COL13A1: variants seen among roughly 807,000 people sequenced by gnomAD.
The protein encoded by COL13A1 is collagen alpha-1(XIII) chain.
In COL13A1, 89 loss-of-function variants were observed where a neutral mutation model predicts 130.9. The ratio of observed to expected loss-of-function variants is 0.68; its 90% CI spans 0.57 to 0.81. The LOEUF (loss-of-function observed/expected upper bound fraction) is 0.81, where lower values mean the gene tolerates loss of function less well. Among genes scored for constraint, COL13A1 ranks in the 30% least tolerant of loss-of-function variants. COL13A1 has a pLI of 0.00. For missense variants in COL13A1, 879 were observed against 934.6 expected (o/e 0.94, Z 0.78); for synonymous variants, 402 against 341.6 (o/e 1.18, Z -1.95).
At chr10:69,909,827 C>T (rs1042988537) in intron 17 of COL13A1, among the ~76,000 whole-genome samples, 7 of 152,252 alleles carry the variant, frequency 4.6e-5, no homozygotes, top group Admixed American at 3.9e-4. Context: ...TATTTCACAT[C>T]TCTAGTTTAG....
In COL13A1 at chr10:69,956,993, T is replaced by C; in HGVS notation, c.2146-11T>C. Reference sequence around the variant, plus strand: ...GAAGTCTGAGCCCTCTGCCTTCCTTTCTCCTTGCAGGGCGAAGATGGCTTA... The same window carrying C: ...GAAGTCTGAGCCCTCTGCCTTCCTTCCTCCTTGCAGGGCGAAGATGGCTTA... On this transcript the variant is annotated splice_polypyrimidine_tract_variant and intron_variant, in intron 39 of 40. Transcript: ENST00000645393. 2 of 1,613,432 alleles carry C rather than the reference T, an allele frequency of 1.2e-6. No individual in the cohort carries two copies. The highest frequency in any genetic ancestry group is 1.7e-6 in the Non-Finnish European group (2 of 1,179,456).
chr10:69,855,528 T>A (rs1225492892), intron 2 of COL13A1, among the ~76,000 whole-genome samples: 1 of 152,256 alleles, frequency 6.6e-6, no homozygotes, highest in Non-Finnish European at 1.5e-5. Context: ...TAATAATTAG[T>A]AATTAGCTAA....
chr10:69,846,800 G>A (rs950626380), intron 2 of COL13A1, among the ~76,000 whole-genome samples: 2 of 152,218 alleles, frequency 1.3e-5, no homozygotes, highest in African/African-American at 2.4e-5. Flanking sequence ...AGTTTCCCTG[G>A]AGGTCCCTCC....
At chr10:69,949,045 C>G (rs763771891) in intron 38 of COL13A1, among the ~76,000 whole-genome samples, 159 of 152,140 alleles carry the variant, frequency 1.0e-3, no homozygotes, top group Non-Finnish European at 7.1e-4. Context: ...TTGAGCACAC[C>G]ATAAAGAGCC....
intron 2 of COL13A1, among the ~76,000 whole-genome samples, chr10:69,827,493 A>G (rs540204473): frequency 6.6e-6 from 1 of 152,318 alleles, no homozygotes; most frequent in East Asian, 1.9e-4. Context: ...CTGTCCTCAC[A>G]GGAGATGATG....
At position 69,849,108 on chromosome 10, in the gene COL13A1, A is replaced by AT. The variant is rs1194236478; in HGVS notation, c.365-18683dup. On this transcript the variant is annotated intron_variant, in intron 2 of 40. Coordinates refer to ENST00000645393, the MANE Select transcript of COL13A1 (RefSeq NM_001368882.1). Reference sequence around the variant, plus strand: ...AAACCCAAAGAGAAGTGTTTAAACCATTTTTTTAAATGTCTTAGAATTTTC... The same window carrying AT: ...AAACCCAAAGAGAAGTGTTTAAACCATTTTTTTTAAATGTCTTAGAATTTTC... 3.3e-5 allele frequency among the ~76,000 whole-genome samples: 5 copies of AT among 152,200 alleles called. No individual in the cohort carries two copies. The South Asian group carries it at 8.3e-4, about 25-fold the overall frequency.
At chr10:69,884,719 T>A (rs1159433597) in intron 7 of COL13A1, among the ~76,000 whole-genome samples, 2 of 152,244 alleles carry the variant, frequency 1.3e-5, no homozygotes, top group Non-Finnish European at 2.9e-5. Context: ...ATACATCTAT[T>A]TTGTATACAT....
chr10:69,823,593 C>T (rs2132658087), intron 2 of COL13A1, among the ~76,000 whole-genome samples: 2 of 152,290 alleles, frequency 1.3e-5, no homozygotes, highest in East Asian at 3.9e-4. Flanking sequence ...GTCCCCAAGC[C>T]AGGGAAGAGA....
chr10:69,932,423 T>C (rs1475416148), intron 30 of COL13A1, 137 bp from the exon 31 acceptor site: 4 of 631,628 alleles, frequency 6.3e-6, no homozygotes, highest in South Asian at 1.7e-5. Context: ...GGCTGACACC[T>C]CCACATCCTC....
chr10:69,831,755 C>T (rs899926668), intron 2 of COL13A1, among the ~76,000 whole-genome samples: 2 of 152,206 alleles, frequency 1.3e-5, no homozygotes, highest in African/African-American at 4.8e-5. Flanking sequence ...TCAGGACTTG[C>T]AATACCCACT....
chr10:69,849,789 C>T (rs1406527135), intron 2 of COL13A1, among the ~76,000 whole-genome samples: 3 of 152,196 alleles, frequency 2.0e-5, no homozygotes, highest in Non-Finnish European at 4.4e-5. Flanking sequence ...ATGTCCCCAG[C>T]CACTTTCCAG....
intron 1 of COL13A1, among the ~76,000 whole-genome samples, chr10:69,817,739 G>A (rs775056482): frequency 4.1e-4 from 63 of 151,910 alleles, no homozygotes; most frequent in Non-Finnish European, 7.9e-4. Context: ...AGCCGGGCAC[G>A]GAGGGAAGTG....
At chr10:69,928,601 T>G (rs2065682324) in intron 27 of COL13A1, among the ~76,000 whole-genome samples, 1 of 152,144 alleles carries the variant, frequency 6.6e-6, no homozygotes, top group African/African-American at 2.4e-5. Flanking sequence ...ATTTGGGTTG[T>G]TTTCTGGAGA....
At chr10:69,837,265 T>G (rs1589348489) in intron 2 of COL13A1, among the ~76,000 whole-genome samples, 1 of 152,216 alleles carries the variant, frequency 6.6e-6, no homozygotes, top group Non-Finnish European at 1.5e-5. Flanking sequence ...TCCTGGCTGG[T>G]GTCGGTTCTG....
Position 69,880,518 on chromosome 10 carries a change from G to T in COL13A1, c.478G>T (p.Ala160Ser), listed in dbSNP as rs144774788. 55 of 1,613,090 alleles carry T rather than the reference G, an allele frequency of 3.4e-5. No homozygotes were observed. In the African/African-American group the frequency reaches 6.3e-4, roughly 18 times the overall value. The part of the protein sequence containing the change: ...QPGEKGSPGD[A>S]GLSIIGPRGP... ...CTCCCCGCAGGGGTCCCCCGGAGAC[G>T]CTGGGCTGTCCATCATTGGTCCCCG... The change falls in exon 7 of 41, where the codon GCT becomes TCT. Residue 160 changes from alanine (A) to serine (S), a missense_variant. Ala to Ser is a moderately conservative substitution (Grantham distance 99). This residue lies in a region of COL13A1 where 715 missense variants were observed against 721.0 expected (regional missense o/e 0.99). Transcript: ENST00000645393.
At chr10:69,856,649 C>T (rs1256546387) in intron 2 of COL13A1, among the ~76,000 whole-genome samples, 1 of 152,166 alleles carries the variant, frequency 6.6e-6, no homozygotes, top group African/African-American at 2.4e-5. Context: ...GGATGTGAAG[C>T]CGTGATGTGC....
chr10:69,930,076 G>A lies in COL13A1; in HGVS notation c.1519G>A (p.Asp507Asn), dbSNP rs760829974. ...EIGLPGPPGH[D>N]GEKGPRGKPG... ...TGGACTGCCAGGCCCTCCAGGACAC[G>A]ATGGGGAAAAGGTATGAACAGACGT... The change falls in exon 29 of 41, where the codon GAT becomes AAT. Residue 507 changes from aspartate to asparagine, a missense_variant. Asp to Asn is a conservative substitution (Grantham distance 23). Transcript: ENST00000645393. 3.1e-5 allele frequency: 50 copies of A among 1,613,814 alleles called. No homozygotes were observed. In the East Asian group the frequency reaches 6.5e-4, roughly 21 times the overall value.
At chr10:69,889,379 C>A (rs756132733) in intron 9 of COL13A1, 35 bp from the exon 10 acceptor site, 1 of 1,604,206 alleles carries the variant, frequency 6.2e-7, no homozygotes, top group African/African-American at 1.3e-5. Flanking sequence ...GGGCTGCGAA[C>A]AGTGCACCTG....
intron 25 of COL13A1, among the ~76,000 whole-genome samples, chr10:69,925,504 C>T (rs750190620): frequency 4.6e-5 from 7 of 152,120 alleles, no homozygotes; most frequent in Non-Finnish European, 7.4e-5. Flanking sequence ...GGGGTCTTGA[C>T]GAGGCAGGAG....
Sources: allele counts gnomAD v4.1 joint callset (sites outside exome capture counted in the v4.1 genomes callset), GRCh38; gene constraint gnomAD v4.1.1; regional missense constraint gnomAD v4.1.1; transcripts MANE v1.5; gene names NCBI Gene and HGNC (gene_info 2026-07-23, HGNC 2026-07-21).